EPHA5: variants seen among roughly 807,000 people sequenced by gnomAD.
EPHA5 encodes the protein ephrin type-A receptor 5.
A neutral mutation model predicts 105.0 loss-of-function variants in EPHA5; 60 were observed. The observed-to-expected ratio is 0.57, with a 90% CI of 0.46 to 0.71. EPHA5 has a LOEUF of 0.71. EPHA5 is among the 30% of genes least tolerant of loss of function. The pLI is 0.00. For missense variants in EPHA5, 1,218 were observed against 1,274.7 expected (o/e 0.96, Z 0.68); for synonymous variants, 513 against 449.1 (o/e 1.14, Z -1.80).
intron 2 of EPHA5, among the ~76,000 whole-genome samples, chr4:65,621,087 C>A (rs1393229886): frequency 1.3e-5 from 2 of 152,004 alleles, no homozygotes; most frequent in Non-Finnish European, 2.9e-5. Context: ...AATTGCTAAC[C>A]TCAGATATGG....
At chr4:65,398,798 G>A (rs1721513255) in intron 8 of EPHA5, among the ~76,000 whole-genome samples, 3 of 152,088 alleles carry the variant, frequency 2.0e-5, no homozygotes. Flanking sequence ...CCTCTCCTGA[G>A]AGCTGCACTC....
In EPHA5 at chr4:65,529,595, T is replaced by C. The variant is rs377615817; in HGVS notation, c.911-34052A>G. On this transcript the variant is annotated intron_variant, in intron 3 of 16. Transcript: ENST00000613740. Reference sequence around the variant, plus strand: ...GGAAATTTCACCATACATACTCATATAATTTTCATTGTGCATATGTTAGAT... The same window carrying C: ...GGAAATTTCACCATACATACTCATACAATTTTCATTGTGCATATGTTAGAT... Among the ~76,000 whole-genome samples the C allele has an allele frequency of 4.0e-4, 61 of 152,266 alleles. 1 individual carries two copies. In the South Asian group the frequency reaches 0.012, roughly 31 times the overall value.
chr4:65,466,377 T>G (rs960398195), intron 5 of EPHA5, among the ~76,000 whole-genome samples: 1 of 152,186 alleles, frequency 6.6e-6, no homozygotes, highest in African/African-American at 2.4e-5. Flanking sequence ...TGAGAAAGCA[T>G]TGGGAGACGA....
At chr4:65,573,733 T>G (rs1292238081) in intron 3 of EPHA5, 1 of 1,603,572 alleles carries the variant, frequency 6.2e-7, no homozygotes, top group Non-Finnish European at 8.5e-7. Context: ...CTTGCAACTG[T>G]TACAAAACCA....
intron 8 of EPHA5, among the ~76,000 whole-genome samples, chr4:65,392,880 G>A (rs1017362011): frequency 3.9e-5 from 6 of 152,084 alleles, no homozygotes; most frequent in African/African-American, 1.2e-4. Context: ...ATTAAGTTAT[G>A]TAGGAAAGCC....
chr4:65,488,885 A>ATTTTTTTTTTTT (rs5858962), intron 5 of EPHA5, among the ~76,000 whole-genome samples: 2 of 117,790 alleles, frequency 1.7e-5, no homozygotes, highest in Admixed American at 1.0e-4. Flanking sequence ...AGCTGCATGC[A>ATTTTTTTTTTTT]TTTTTTTTTT....
intron 1 of EPHA5, among the ~76,000 whole-genome samples, chr4:65,647,970 A>C (rs1748271222): frequency 6.6e-6 from 1 of 152,202 alleles, no homozygotes; most frequent in African/African-American, 2.4e-5. Context: ...CAAATAACAG[A>C]TTATGAAAGA....
intron 2 of EPHA5, among the ~76,000 whole-genome samples, chr4:65,627,900 T>G (rs201944775): frequency 6.6e-6 from 1 of 152,102 alleles, no homozygotes; most frequent in Admixed American, 6.5e-5. Context: ...GTCAAAAAAA[T>G]AAAAGCATAA....
rs869149037 is a variant in EPHA5 at position 65,640,282 on chromosome 4, C to CTTTTTTTTTTTTTTTTTTTTTTTTT, written c.246+3080_246+3081insAAAAAAAAAAAAAAAAAAAAAAAAA. On this transcript the variant is annotated intron_variant, in intron 2 of 16. Transcript: ENST00000613740. ...CATTGAAGTCATTGCTCAGTTTTTTCTTTTTTTTTTTTTTTTTTTTTGAGA... is the reference window on the plus strand; with the variant it reads ...CATTGAAGTCATTGCTCAGTTTTTTCTTTTTTTTTTTTTTTTTTTTTTTTTTTTTTTTTTTTTTTTTTTTTTGAGA... Among the ~76,000 whole-genome samples the CTTTTTTTTTTTTTTTTTTTTTTTTT allele has an allele frequency of 2.2e-5, 2 of 92,224 alleles. 1 individual carries two copies. The highest frequency in any genetic ancestry group is 3.1e-4 in the Admixed American group (2 of 6,458). The allele number at this position is 92,224 out of a possible 152,430, so 60.5% of individuals were successfully genotyped here.
At chr4:65,517,986 A>G (rs1055050474) in intron 3 of EPHA5, among the ~76,000 whole-genome samples, 4 of 152,006 alleles carry the variant, frequency 2.6e-5, no homozygotes, top group Non-Finnish European at 5.9e-5. Flanking sequence ...TCATATTAAA[A>G]GATTAATTTT....
intron 3 of EPHA5, among the ~76,000 whole-genome samples, chr4:65,503,946 T>C (rs747129624): frequency 1.7e-4 from 20 of 118,378 alleles, no homozygotes; most frequent in Middle Eastern, 5.6e-3. Context: ...CACACACACA[T>C]ATATTTAACC....
intron 14 of EPHA5, among the ~76,000 whole-genome samples, chr4:65,343,312 AG>A (rs1238643774): frequency 6.6e-6 from 1 of 152,024 alleles, no homozygotes; most frequent in African/African-American, 2.4e-5. Context: ...TAGTTGTTCT[AG>A]TTTATTTTCA....
At chr4:65,564,079 CA>C (rs1739287761) in intron 3 of EPHA5, among the ~76,000 whole-genome samples, 1 of 150,646 alleles carries the variant, frequency 6.6e-6, no homozygotes. Flanking sequence ...CAGTTTTAAA[CA>C]AACAAACAAA....
intron 8 of EPHA5, among the ~76,000 whole-genome samples, chr4:65,388,236 G>T (rs2148948296): frequency 6.7e-6 from 1 of 150,352 alleles, no homozygotes; most frequent in Admixed American, 6.7e-5. Context: ...ATTTGGGTTG[G>T]TTCCAAGTCT....
chr4:65,465,524 AAAGAAAAGAAAGGAAAGG>A (rs1560567342), intron 5 of EPHA5, among the ~76,000 whole-genome samples: 41 of 89,122 alleles, frequency 4.6e-4, no homozygotes, highest in Admixed American at 1.3e-3. Flanking sequence ...AGAAAGAAAG[AAAGAAAAGAAAGGAAAGG>A]AAGGAAAGGA....
chr4:65,505,745 C>G (rs977646030), intron 3 of EPHA5, among the ~76,000 whole-genome samples: 1 of 152,042 alleles, frequency 6.6e-6, no homozygotes, highest in Admixed American at 6.6e-5. Context: ...TCAAGCAAAA[C>G]TAGCATTTGT....
At chr4:65,539,317 A>C (rs1736596491) in intron 3 of EPHA5, among the ~76,000 whole-genome samples, 1 of 151,662 alleles carries the variant, frequency 6.6e-6, no homozygotes, top group Non-Finnish European at 1.5e-5. Flanking sequence ...GACAGATAAA[A>C]CCAAGACAAA....
intron 5 of EPHA5, among the ~76,000 whole-genome samples, chr4:65,479,505 G>A (rs1730149828): frequency 6.6e-6 from 1 of 152,154 alleles, no homozygotes; most frequent in African/African-American, 2.4e-5. Flanking sequence ...CTTGTATAGG[G>A]AAATGGGGAA....
intron 3 of EPHA5, among the ~76,000 whole-genome samples, chr4:65,578,680 C>T (rs866493161): frequency 2.0e-5 from 3 of 152,064 alleles, no homozygotes; most frequent in South Asian, 2.1e-4. Context: ...TTTAAAAAGA[C>T]GAGAGTACCG....
Sources: allele counts gnomAD v4.1 joint callset (sites outside exome capture counted in the v4.1 genomes callset), GRCh38; gene constraint gnomAD v4.1.1; transcripts MANE v1.5; gene names NCBI Gene and HGNC (gene_info 2026-07-23, HGNC 2026-07-21).